The following CCDC138 variants were observed in gnomAD, a reference collection of about 807,000 sequenced individuals.
The protein encoded by CCDC138 is coiled-coil domain containing 138, also known as coiled-coil domain-containing protein 138.
CCDC138 carries 66 observed loss-of-function variants against 82.3 expected under a neutral mutation model. That is an observed-to-expected ratio of 0.80 (90% confidence interval 0.66 to 0.98). The LOEUF (loss-of-function observed/expected upper bound fraction) is 0.98. Among genes scored for constraint, CCDC138 ranks in the 50% least tolerant of loss-of-function variants. The probability of loss-of-function intolerance (pLI) is 0.00; values close to 1 mark genes in which losing one functional copy is unlikely to be tolerated. For missense variants in CCDC138, 816 were observed against 758.9 expected, an observed-to-expected ratio of 1.08 and a Z score of -0.88; for synonymous variants, 297 against 265.4, an observed-to-expected ratio of 1.12 and a Z score of -1.16.
At chr2:108,811,099 TCTTTTTTTTTTTCTTTTTTCTTTC>T (rs1484863818) in intron 7 of CCDC138, among the ~76,000 whole-genome samples, 1 of 46,498 alleles carries the variant, frequency 2.2e-5, no homozygotes, top group African/African-American at 5.7e-5. Flanking sequence ...TTTTTTCTTT[TCTTTTTTTTTTTCTTTTTTCTTTC>T]CTTCTTCCCT....
chr2:108,823,695 C>T (rs1249144837), intron 10 of CCDC138, among the ~76,000 whole-genome samples: 1 of 152,116 alleles, frequency 6.6e-6, no homozygotes, highest in East Asian at 1.9e-4. Context: ...AAAGGGTGCA[C>T]CTGGGCCAGG....
Position 108,846,742 on chromosome 2 carries a change from C to T in CCDC138, c.1328C>T (p.Ser443Leu), listed in dbSNP as rs367747465. The change falls in exon 12 of 15, where the codon TCG becomes TTG. Residue 443 changes from serine to leucine, a missense_variant. Transcript: ENST00000295124. ...LRQLDAGAQH[S>L]TMTSTLRRLG... ...GATTGTACATATTTTTAACAGCACT[C>T]GACTATGACATCAACATTGAGGAGA... 20 of 1,604,752 alleles carry T rather than the reference C, an allele frequency of 1.2e-5. No homozygotes were observed. Among genetic ancestry groups the T allele is most frequent in the Admixed American group, 3.5e-5 (2 of 57,580 alleles).
At chr2:108,849,704 A>G (rs1691122232) in intron 12 of CCDC138, among the ~76,000 whole-genome samples, 1 of 152,236 alleles carries the variant, frequency 6.6e-6, no homozygotes, top group Non-Finnish European at 1.5e-5. Flanking sequence ...ATCACTGTGG[A>G]ACAAGGAAGA....
intron 7 of CCDC138, among the ~76,000 whole-genome samples, chr2:108,806,570 T>C (rs1682907516): frequency 6.6e-6 from 1 of 152,168 alleles, no homozygotes; most frequent in African/African-American, 2.4e-5. Flanking sequence ...GGCCATGTGG[T>C]CTCTCTTTCA....
At chr2:108,834,148 A>G (rs774302407) in intron 10 of CCDC138, among the ~76,000 whole-genome samples, 2 of 151,562 alleles carry the variant, frequency 1.3e-5, no homozygotes, top group Non-Finnish European at 2.9e-5. Flanking sequence ...TGTCATCAGA[A>G]TCAATTGCAT....
chr2:108,868,168 A>C (rs1407451316), intron 13 of CCDC138, among the ~76,000 whole-genome samples: 1 of 152,194 alleles, frequency 6.6e-6, no homozygotes, highest in East Asian at 1.9e-4. Flanking sequence ...TTACCTTGAG[A>C]GATTTCAGTA....
chr2:108,797,042 A>G (rs1326900870), intron 5 of CCDC138, among the ~76,000 whole-genome samples: 1 of 152,196 alleles, frequency 6.6e-6, no homozygotes, highest in Non-Finnish European at 1.5e-5. Context: ...TGAGGATGTT[A>G]AGTAGGCTGT....
Position 108,813,995 on chromosome 2 carries a change from A to C in CCDC138, c.1041+1068A>C, listed in dbSNP as rs1473101125. Reference sequence around the variant, plus strand: ...AGTTTGTTCCTTCATTCTTCTGTTGATAGACACCTGGGCTTTTTCTAGTTT... The same window carrying C: ...AGTTTGTTCCTTCATTCTTCTGTTGCTAGACACCTGGGCTTTTTCTAGTTT... On this transcript the variant is annotated intron_variant, in intron 9 of 14. Coordinates refer to ENST00000295124, the MANE Select transcript of CCDC138 (RefSeq NM_144978.3). Among the ~76,000 whole-genome samples, 3 of 152,182 alleles carry C rather than the reference A, an allele frequency of 2.0e-5. No individual in the cohort carries two copies. The East Asian group carries it at 5.8e-4, about 29-fold the overall frequency.
intron 7 of CCDC138, among the ~76,000 whole-genome samples, chr2:108,812,054 C>A (rs536138818): frequency 3.3e-5 from 5 of 151,698 alleles, no homozygotes; most frequent in South Asian, 2.1e-4. Context: ...AATTGGATAC[C>A]CAGGAATAAA....
intron 13 of CCDC138, among the ~76,000 whole-genome samples, chr2:108,861,983 T>G (rs1005739387): frequency 6.6e-6 from 1 of 152,104 alleles, no homozygotes; most frequent in African/African-American, 2.4e-5. Flanking sequence ...AATTCTTTAG[T>G]TTTCATGTGT....
chr2:108,853,115 A>C (rs1337679807), intron 12 of CCDC138, among the ~76,000 whole-genome samples: 1 of 152,234 alleles, frequency 6.6e-6, no homozygotes, highest in African/African-American at 2.4e-5. Context: ...TGTTTGTAAT[A>C]ATGAGAAAAG....
intron 7 of CCDC138, 141 bp from the exon 8 acceptor site, chr2:108,812,490 T>C (rs1426054823): frequency 1.6e-6 from 1 of 630,424 alleles, no homozygotes. Context: ...TCAGTTGTGA[T>C]CTAAGTTAAT....
intron 10 of CCDC138, among the ~76,000 whole-genome samples, chr2:108,832,519 G>C (rs557369390): frequency 7.9e-5 from 12 of 151,302 alleles, no homozygotes; most frequent in Non-Finnish European, 8.9e-5. Context: ...AGCTAATTTT[G>C]TATTTTTAGT....
At chr2:108,814,754 G>A (rs1203309523) in intron 9 of CCDC138, among the ~76,000 whole-genome samples, 1 of 150,496 alleles carries the variant, frequency 6.6e-6, no homozygotes, top group Non-Finnish European at 1.5e-5. Context: ...CTGGGTTCAA[G>A]CCTCCCGAAG....
intron 10 of CCDC138, among the ~76,000 whole-genome samples, chr2:108,817,009 T>TA (rs1684912091): frequency 6.6e-6 from 1 of 152,166 alleles, no homozygotes; most frequent in African/African-American, 2.4e-5. Context: ...AGTCACTTCT[T>TA]AAAGGCCCCA....
At chr2:108,833,691 T>G (rs1273839156) in intron 10 of CCDC138, among the ~76,000 whole-genome samples, 1 of 151,910 alleles carries the variant, frequency 6.6e-6, no homozygotes, top group East Asian at 1.9e-4. Context: ...CACAAATTTT[T>G]TTGTTGACAA....
intron 2 of CCDC138, among the ~76,000 whole-genome samples, chr2:108,788,644 C>G (rs1321780981): frequency 6.6e-6 from 1 of 151,808 alleles, no homozygotes; most frequent in Non-Finnish European, 1.5e-5. Context: ...GGGGTGAACC[C>G]GGGAGACGGA....
intron 10 of CCDC138, among the ~76,000 whole-genome samples, chr2:108,837,130 G>T (rs1688703858): frequency 6.6e-6 from 1 of 152,128 alleles, no homozygotes; most frequent in Non-Finnish European, 1.5e-5. Context: ...GATTTTGGAG[G>T]AAAGGCTTTC....
At chr2:108,871,655 A>G (rs1574321694) in intron 13 of CCDC138, among the ~76,000 whole-genome samples, 2 of 152,184 alleles carry the variant, frequency 1.3e-5, no homozygotes, top group African/African-American at 4.8e-5. Context: ...CATAAAATTT[A>G]CCATTTTAAC....
Sources: allele counts gnomAD v4.1 joint callset (sites outside exome capture counted in the v4.1 genomes callset), GRCh38; gene constraint gnomAD v4.1.1; transcripts MANE v1.5; gene names NCBI Gene and HGNC (gene_info 2026-07-23, HGNC 2026-07-21).